The following TLL2 variants were observed in gnomAD, a reference collection of about 807,000 sequenced individuals.
TLL2 encodes the protein tolloid-like protein 2.
A neutral mutation model predicts 123.0 loss-of-function variants in TLL2; 106 were observed. That is an observed-to-expected ratio of 0.86 (90% CI 0.74 to 1.01). The LOEUF is 1.01. Among genes scored for constraint, TLL2 ranks in the 50% least tolerant of loss-of-function variants. The pLI is 0.00. For missense variants in TLL2, 1,332 were observed against 1,336.7 expected, an observed-to-expected ratio of 1.00 and a Z score of 0.06; for synonymous variants, 494 against 516.8, an observed-to-expected ratio of 0.96 and a Z score of 0.60.
At chr10:96,463,301 C>T (rs1392965713) in intron 2 of TLL2, among the ~76,000 whole-genome samples, 4 of 152,268 alleles carry the variant, frequency 2.6e-5, no homozygotes, top group East Asian at 1.9e-4. Context: ...ACGCAGCAAA[C>T]GAAGCCAGCT....
At chr10:96,407,845 GAGCA>G (rs1846465533) in intron 9 of TLL2, among the ~76,000 whole-genome samples, 3 of 150,392 alleles carry the variant, frequency 2.0e-5, no homozygotes, top group South Asian at 4.1e-4. Context: ...ATGCATGTGT[GAGCA>G]TGTGCATGCA....
rs778327003 is a variant in TLL2 at position 96,370,234 on chromosome 10, C to T, written c.2744G>A (p.Ser915Asn). 4.3e-6 allele frequency: 7 copies of T among 1,613,548 alleles called. No homozygotes were observed. The highest frequency in any genetic ancestry group is 5.9e-6 in the Non-Finnish European group (7 of 1,179,736). ...GATCACCCAGTCACAGCGGGCCTCGCTCGGGTAGTTGTTGTCCCCAAACTG... is the reference window on the plus strand; with the variant it reads ...GATCACCCAGTCACAGCGGGCCTCGTTCGGGTAGTTGTTGTCCCCAAACTG... ...HAQFGDNNYP[S>N]EARCDWVIVA... is the part of the protein sequence containing the mutation. The change falls in exon 20 of 21, where the codon AGC (serine) becomes AAC (asparagine). Residue 915 changes from serine (S) to asparagine (N), a missense_variant. Coordinates refer to ENST00000357947, the MANE Select transcript of TLL2 (RefSeq NM_012465.4).
At chr10:96,491,435 A>G (rs1212260569) in intron 1 of TLL2, among the ~76,000 whole-genome samples, 1 of 151,994 alleles carries the variant, frequency 6.6e-6, no homozygotes, top group Non-Finnish European at 1.5e-5. Context: ...CATCCACGAA[A>G]ATGCCCTCAG....
At position 96,432,896 on chromosome 10, in the gene TLL2, G is replaced by A. The variant is rs760488537; in HGVS notation, c.431C>T (p.Ser144Phe). ...GGTTGTGGCTCTTCGGACCCGGGGA[G>A]AGAAGGTCTTGGCTGCGGCATGCAA... The part of the protein sequence containing the change: ...GTLHAAAKTF[S>F]PRVRRATTSR... The change falls in exon 4 of 21, where the codon TCT (serine) becomes TTT (phenylalanine). Residue 144 changes from serine to phenylalanine, a missense_variant. Coordinates refer to ENST00000357947, the MANE Select transcript of TLL2 (RefSeq NM_012465.4). 1.9e-6 allele frequency: 3 copies of A among 1,614,030 alleles called. No homozygotes were observed. The highest frequency in any genetic ancestry group is 3.3e-5 in the Admixed American group (2 of 60,000).
chr10:96,391,745 T>C (rs1220009651), intron 13 of TLL2, among the ~76,000 whole-genome samples: 1 of 152,246 alleles, frequency 6.6e-6, no homozygotes, highest in Non-Finnish European at 1.5e-5. Context: ...AGGTTTCTGT[T>C]AATCCTGATT....
At position 96,405,239 on chromosome 10, in the gene TLL2, G is replaced by A. The variant is rs148869698; in HGVS notation, c.1260C>T (p.Pro420=). ...EVRDGYWRKA[P]LLGRFCGDKI... Reference sequence around the variant, plus strand: ...TGTCTAAAGTCAACTTACCCAAAAGGGGGGCTTTTCTCCAGTAACCATCCC... The same window carrying A: ...TGTCTAAAGTCAACTTACCCAAAAGAGGGGCTTTTCTCCAGTAACCATCCC... Residue 420 remains proline (P), a synonymous_variant, in exon 10 of 21, where the codon CCC becomes CCT. Coordinates refer to ENST00000357947, the MANE Select transcript of TLL2 (RefSeq NM_012465.4). 2.5e-6 allele frequency: 4 copies of A among 1,613,942 alleles called. No homozygotes were observed. Among genetic ancestry groups the A allele is most frequent in the Admixed American group, 1.7e-5 (1 of 59,998 alleles).
At chr10:96,425,363 G>A (rs1846669503) in intron 5 of TLL2, among the ~76,000 whole-genome samples, 1 of 150,672 alleles carries the variant, frequency 6.6e-6, no homozygotes, top group African/African-American at 2.4e-5. Flanking sequence ...AAATATGTAT[G>A]CATACATACA....
chr10:96,512,636 T>A (rs1046956389), intron 1 of TLL2, among the ~76,000 whole-genome samples: 2 of 152,260 alleles, frequency 1.3e-5, no homozygotes, highest in Non-Finnish European at 2.9e-5. Context: ...TGCGAGCCTC[T>A]GAGCCCAGCA....
intron 2 of TLL2, among the ~76,000 whole-genome samples, chr10:96,452,796 T>C (rs1846974213): frequency 6.6e-6 from 1 of 152,100 alleles, no homozygotes. Context: ...TGTTGGAAAA[T>C]TACCTGCAAG....
In TLL2 at chr10:96,506,781, G is replaced by C. The variant is rs75214050; in HGVS notation, c.175+6730C>G. The stretch of plus-strand genomic sequence containing the variant: ...AACACACATGCCACCCTGAGGGAAG[G>C]GTGTGCTGCACTGATCACTACACTA... On this transcript the variant is annotated intron_variant, in intron 1 of 20. Transcript: ENST00000357947. 1.1e-3 allele frequency among the ~76,000 whole-genome samples: 173 copies of C among 152,112 alleles called. 4 individuals carry two copies. In the East Asian group the frequency reaches 0.032, roughly 29 times the overall value.
intron 9 of TLL2, among the ~76,000 whole-genome samples, chr10:96,406,275 C>T (rs867297809): frequency 7.2e-5 from 11 of 152,246 alleles, no homozygotes; most frequent in South Asian, 4.1e-4. Context: ...TTCACCCCCA[C>T]GCAAGTTCCA....
intron 5 of TLL2, among the ~76,000 whole-genome samples, chr10:96,425,472 T>A (rs930696644): frequency 1.7e-4 from 26 of 151,978 alleles, no homozygotes; most frequent in Non-Finnish European, 3.2e-4. Flanking sequence ...ATGTTGAGTA[T>A]CCCTACATCA....
Position 96,513,632 on chromosome 10 carries a change from C to T in TLL2, c.54G>A (p.Pro18=). 1.3e-6 allele frequency: 2 copies of T among 1,597,456 alleles called. No homozygotes were observed. Among genetic ancestry groups the T allele is most frequent in the Non-Finnish European group, 8.5e-7 (1 of 1,177,202 alleles). Residue 18 remains proline (P), a synonymous_variant, in exon 1 of 21, where the codon CCG becomes CCA. Transcript: ENST00000357947. ...GALVSLLLLL[P]LPRGAGGLGE... ...CGAGTCCCCCGGCGCCGCGAGGCAGCGGCAGCAGCAGCAGCAGTGACACCA... is the reference window on the plus strand; with the variant it reads ...CGAGTCCCCCGGCGCCGCGAGGCAGTGGCAGCAGCAGCAGCAGTGACACCA...
chr10:96,448,806 A>G (rs1261621729), intron 2 of TLL2, among the ~76,000 whole-genome samples: 1 of 152,072 alleles, frequency 6.6e-6, no homozygotes, highest in East Asian at 1.9e-4. Context: ...GGAATGAGTG[A>G]GGAAGAGACA....
chr10:96,371,449 G>C (rs1453860353), intron 19 of TLL2, among the ~76,000 whole-genome samples: 2 of 152,180 alleles, frequency 1.3e-5, no homozygotes, highest in Admixed American at 6.5e-5. Flanking sequence ...GCCCCCCGAG[G>C]GGCCCAGGCA....
chr10:96,368,352 C>A, intron 20 of TLL2, 130 bp from the exon 21 acceptor site: 2 of 1,049,634 alleles, frequency 1.9e-6, no homozygotes, highest in South Asian at 1.7e-5. Context: ...GAAGGGCATC[C>A]AAACAAGCTC....
intron 7 of TLL2, among the ~76,000 whole-genome samples, chr10:96,417,051 G>A (rs1182777240): frequency 6.6e-6 from 1 of 152,170 alleles, no homozygotes; most frequent in Non-Finnish European, 1.5e-5. Context: ...AGAGAATGAA[G>A]TTGGAAGGAG....
intron 1 of TLL2, among the ~76,000 whole-genome samples, chr10:96,484,378 T>C (rs1281938776): frequency 2.0e-5 from 3 of 152,180 alleles, no homozygotes; most frequent in Non-Finnish European, 4.4e-5. Flanking sequence ...AAAGCATGGA[T>C]ACTTAAGGAT....
chr10:96,484,150 G>A (rs1385449517), intron 1 of TLL2, among the ~76,000 whole-genome samples: 1 of 152,104 alleles, frequency 6.6e-6, no homozygotes, highest in Admixed American at 6.6e-5. Context: ...GGCCCACCAT[G>A]ATTTTTTTCT....
Sources: gnomAD v4.1 joint callset for allele counts (sites outside exome capture counted in the v4.1 genomes callset) on GRCh38, gnomAD v4.1.1 for gene constraint, MANE v1.5 for transcripts, NCBI Gene and HGNC (gene_info 2026-07-23, HGNC 2026-07-21) for gene names.